Variants in IQANK1 observed in about 807,000 individuals in gnomAD.
IQANK1 encodes the protein IQ motif and ankyrin repeat domain-containing protein 1.
In IQANK1, 30 loss-of-function variants were observed where a neutral mutation model predicts 22.6. That is an observed-to-expected ratio of 1.33 (90% CI 0.99 to 1.80). The LOEUF is 1.80. IQANK1 is among the 40% of genes most tolerant of loss of function. The probability of loss-of-function intolerance (pLI) is 0.00; values close to 1 mark genes in which losing one functional copy is unlikely to be tolerated. For synonymous variants in IQANK1, 122 were observed against 99.6 expected (o/e 1.23, Z -1.34); for missense variants, 275 against 235.2 (o/e 1.17, Z -1.11).
intron 3 of IQANK1, among the ~76,000 whole-genome samples, chr8:143,741,508 C>T (rs1057483725): frequency 6.6e-6 from 1 of 152,064 alleles, no homozygotes; most frequent in Non-Finnish European, 1.5e-5. Context: ...GTGCTAGGAC[C>T]GCACAGGTGG....
In IQANK1 at chr8:143,739,939, G is replaced by T. The variant is rs1243465757; in HGVS notation, c.166G>T (p.Ala56Ser). The T allele has an allele frequency of 2.0e-5, 14 of 698,082 alleles. No individual in the cohort carries two copies. The Admixed American group carries it at 2.8e-4, about 14-fold the overall frequency. The allele number at this position is 698,082 out of a possible 1,614,324, so 43.2% of individuals were successfully genotyped here. ...REPASAESPQAPTGPAEDRAA... is the reference protein window; with the variant it reads ...REPASAESPQSPTGPAEDRAA... ...GCCCGCGTCGGCTGAGAGCCCACAG[G>T]CCCCCACAGGTGAGAGCCCGCACGT... Residue 56 changes from alanine (A) to serine (S), a missense_variant, in exon 3 of 14, where the codon GCC becomes TCC. Physicochemically the swap from Ala to Ser is moderately conservative, Grantham distance 99. Coordinates refer to ENST00000527139, the MANE Select transcript of IQANK1 (RefSeq NM_001381874.1).
At chr8:143,760,652 A>G (rs1819378448) in intron 3 of IQANK1, 1 of 152,264 alleles carries the variant, frequency 6.6e-6, no homozygotes. Flanking sequence ...ACTGCAATCC[A>G]GCCTGGGCGA....
chr8:143,748,848 A>AATATATATCATATATAAATATATAAAT (rs1563770472), intron 3 of IQANK1, among the ~76,000 whole-genome samples: 2 of 106,468 alleles, frequency 1.9e-5, no homozygotes, highest in Non-Finnish European at 3.4e-5. Context: ...TAAATATATA[A>AATATATATCATATATAAATATATAAAT]ATATATATAT....
At chr8:143,736,492 C>G (rs190572204) in intron 2 of IQANK1, among the ~76,000 whole-genome samples, 1 of 152,132 alleles carries the variant, frequency 6.6e-6, no homozygotes, top group African/African-American at 2.4e-5. Flanking sequence ...CTAGGGGTAG[C>G]ACTCAGAGAA....
chr8:143,775,347 C>A (rs1322266343), intron 7 of IQANK1, among the ~76,000 whole-genome samples: 1 of 150,230 alleles, frequency 6.7e-6, no homozygotes, highest in African/African-American at 2.5e-5. Flanking sequence ...CACACACACA[C>A]ACACACAGAC....
chr8:143,741,792 CTCGA>C (rs1554626532), intron 3 of IQANK1: 3 of 154,360 alleles, frequency 1.9e-5, no homozygotes, highest in African/African-American at 7.2e-5. Context: ...TATTTTTGCA[CTCGA>C]GGCTATTCCA....
intron 7 of IQANK1, among the ~76,000 whole-genome samples, chr8:143,772,874 C>T (rs1374777261): frequency 6.6e-6 from 1 of 152,224 alleles, no homozygotes; most frequent in East Asian, 1.9e-4. Context: ...GTTGGCAGAG[C>T]TCACGGCGCT....
At chr8:143,749,284 T>A (rs1243682434) in intron 3 of IQANK1, among the ~76,000 whole-genome samples, 2 of 121,290 alleles carry the variant, frequency 1.6e-5, no homozygotes, top group African/African-American at 6.8e-5. Context: ...TAAATATATA[T>A]AAAAATATAT....
intron 7 of IQANK1, among the ~76,000 whole-genome samples, chr8:143,784,530 G>A (rs575842219): frequency 6.6e-6 from 1 of 152,156 alleles, no homozygotes; most frequent in African/African-American, 2.4e-5. Flanking sequence ...TGTGAGAATG[G>A]ACTAATACAG....
In IQANK1 at chr8:143,776,806, G is replaced by C. The variant is rs1009649242; in HGVS notation, c.789+4324G>C. Among the ~76,000 whole-genome samples, 5 of 152,154 alleles carry C rather than the reference G, an allele frequency of 3.3e-5. No homozygotes were observed. The East Asian group carries it at 9.7e-4, about 29-fold the overall frequency. On this transcript the variant is annotated intron_variant, in intron 7 of 13. Coordinates refer to ENST00000527139, the MANE Select transcript of IQANK1 (RefSeq NM_001381874.1). ...TAATGGCTCCTATACATGGGGAAAC[G>C]GCTCAAGGCTGGGGAAACGGGCTTC... is the stretch of plus-strand genomic sequence containing the variant.
intron 3 of IQANK1, among the ~76,000 whole-genome samples, chr8:143,754,551 C>G (rs1819253520): frequency 6.6e-6 from 1 of 152,186 alleles, no homozygotes; most frequent in Non-Finnish European, 1.5e-5. Flanking sequence ...GGACATCTTG[C>G]AACATGGCGC....
At chr8:143,789,088 GC>G in intron 8 of IQANK1, 25 bp downstream of exon 8, 1 of 401,598 alleles carries the variant, frequency 2.5e-6, no homozygotes, top group Non-Finnish European at 4.4e-6. Context: ...GGAGGTGCTG[GC>G]GAGGGGTGCT....
intron 3 of IQANK1, among the ~76,000 whole-genome samples, chr8:143,763,491 G>A (rs990456180): frequency 6.6e-6 from 1 of 152,164 alleles, no homozygotes; most frequent in Non-Finnish European, 1.5e-5. Flanking sequence ...CCTGGTGGGA[G>A]GTGTTTGGAT....
chr8:143,743,779 T>C (rs552721851), intron 3 of IQANK1: 1 of 376,882 alleles, frequency 2.7e-6, no homozygotes, highest in South Asian at 1.9e-5. Context: ...TACAGATAAG[T>C]GAGATCAGAA....
intron 3 of IQANK1, among the ~76,000 whole-genome samples, chr8:143,751,248 C>T (rs1193529373): frequency 4.0e-5 from 6 of 151,866 alleles, no homozygotes; most frequent in Non-Finnish European, 8.8e-5. Context: ...CTTAAATTAT[C>T]TAGGAAAAAA....
rs1168128801 is a variant in IQANK1, at chr8:143,789,080, A to AGGTGCTGGCGAGG, written c.938+27_938+39dup. ...GTGTGGAAGGCAGGAGGGGTGTGGGAGGTGCTGGCGAGGGGTGCTGGCAAG... is the reference window on the plus strand; with the variant it reads ...GTGTGGAAGGCAGGAGGGGTGTGGGAGGTGCTGGCGAGGGGTGCTGGCGAGGGGTGCTGGCAAG... On this transcript the variant is annotated intron_variant, in intron 8 of 13. Coordinates refer to ENST00000527139, the MANE Select transcript of IQANK1 (RefSeq NM_001381874.1). The AGGTGCTGGCGAGG allele has an allele frequency of 3.5e-4, 142 of 401,036 alleles. 1 individual carries two copies. The East Asian group carries it at 4.7e-3, about 13-fold the overall frequency. The allele number at this position is 401,036 out of a possible 1,614,324, so 24.8% of individuals were successfully genotyped here.
At chr8:143,781,048 G>T (rs1180515158) in intron 7 of IQANK1, among the ~76,000 whole-genome samples, 2 of 152,162 alleles carry the variant, frequency 1.3e-5, no homozygotes, top group African/African-American at 4.8e-5. Context: ...TATCCTCATT[G>T]TGGTTTTGAT....
At chr8:143,778,630 G>C (rs2129930858) in intron 7 of IQANK1, among the ~76,000 whole-genome samples, 1 of 152,310 alleles carries the variant, frequency 6.6e-6, no homozygotes, top group Non-Finnish European at 1.5e-5. Flanking sequence ...TGATACCGAA[G>C]AGCTGAACCA....
chr8:143,748,915 CT>C (rs1563770557), intron 3 of IQANK1, among the ~76,000 whole-genome samples: 1 of 52,132 alleles, frequency 1.9e-5, no homozygotes, highest in Non-Finnish European at 4.2e-5. Flanking sequence ...ACATATATAT[CT>C]ATATATAAAT....
Sources: gnomAD v4.1 joint callset for allele counts (sites outside exome capture counted in the v4.1 genomes callset) on GRCh38, gnomAD v4.1.1 for gene constraint, MANE v1.5 for transcripts, NCBI Gene and HGNC (gene_info 2026-07-23, HGNC 2026-07-21) for gene names.